Variants in PPP2R3A observed in about 807,000 individuals in gnomAD.
The protein encoded by PPP2R3A is serine/threonine-protein phosphatase 2A regulatory subunit B'' subunit alpha.
PPP2R3A carries 80 observed loss-of-function variants against 106.9 expected under a neutral mutation model. The observed-to-expected ratio is 0.75, with a 90% confidence interval of 0.62 to 0.90. The LOEUF is 0.90. Among genes scored for constraint, PPP2R3A ranks in the 40% least tolerant of loss-of-function variants. PPP2R3A has a pLI of 0.00. For synonymous variants in PPP2R3A, 483 were observed against 468.3 expected (o/e 1.03, Z -0.41); for missense variants, 1,386 against 1,350.4 (o/e 1.03, Z -0.41).
At chr3:136,119,992 G>A (rs1055533877) in intron 13 of PPP2R3A, among the ~76,000 whole-genome samples, 1 of 152,084 alleles carries the variant, frequency 6.6e-6, no homozygotes, top group Non-Finnish European at 1.5e-5. Context: ...AAGAAAATGT[G>A]GCACATATAT....
chr3:135,994,567 G>A lies in PPP2R3A; in HGVS notation c.-440-6492G>A, dbSNP rs543125259. On this transcript the variant is annotated intron_variant, in intron 1 of 13. Coordinates refer to ENST00000264977, the MANE Select transcript of PPP2R3A (RefSeq NM_002718.5). ...TTTGGGTTGTGCAGGGTATGAACTG[G>A]TTTGCTTGTCATCAGTAAGCTGTCA... 1.1e-3 allele frequency among the ~76,000 whole-genome samples: 165 copies of A among 152,244 alleles called. 2 individuals carry two copies. The highest frequency in any genetic ancestry group is 3.9e-3 in the African/African-American group (163 of 41,546).
intron 1 of PPP2R3A, among the ~76,000 whole-genome samples, chr3:135,981,162 A>G (rs1203802724): frequency 6.6e-6 from 1 of 151,876 alleles, no homozygotes; most frequent in Non-Finnish European, 1.5e-5. Context: ...ACGACTATTC[A>G]GTAATTAGAC....
intron 1 of PPP2R3A, among the ~76,000 whole-genome samples, chr3:135,987,023 G>A (rs1052165488): frequency 5.3e-5 from 8 of 151,924 alleles, no homozygotes; most frequent in Admixed American, 2.6e-4. Flanking sequence ...GCTCTTTTCG[G>A]TTATCAGTGA....
In PPP2R3A at chr3:136,111,865, C is replaced by G. The variant is rs550253002; in HGVS notation, c.3329+5543C>G. The stretch of plus-strand genomic sequence containing the variant: ...ATAAAAAAAACTTCAGGCCAATATC[C>G]TTGATGAACATACACACAAAAACCC... On this transcript the variant is annotated intron_variant, in intron 13 of 13. Transcript: ENST00000264977. Among the ~76,000 whole-genome samples, 6 of 152,238 alleles carry G rather than the reference C, an allele frequency of 3.9e-5. No homozygotes were observed. The South Asian group carries it at 1.2e-3, about 32-fold the overall frequency.
chr3:136,002,515 G>C lies in PPP2R3A; in HGVS notation c.1017G>C (p.Gln339His). The change falls in exon 2 of 14, where the codon CAG becomes CAC. Residue 339 changes from glutamine to histidine, a missense_variant. By Grantham distance (24) the Gln-to-His change is conservative. Transcript: ENST00000264977. ...EQPPKYEDVV[Q>H]LSASDSGRFQ... ...CCCCTAAATATGAAGATGTTGTCCAGCTCTCAGCTTCTGACTCTGGACGAT... is the reference window on the plus strand; with the variant it reads ...CCCCTAAATATGAAGATGTTGTCCACCTCTCAGCTTCTGACTCTGGACGAT... The C allele has an allele frequency of 6.2e-7, 1 of 1,614,068 alleles. No individual in the cohort carries two copies. The highest frequency in any genetic ancestry group is 8.5e-7 in the Non-Finnish European group (1 of 1,179,968).
intron 1 of PPP2R3A, among the ~76,000 whole-genome samples, chr3:135,987,931 C>A (rs1932992629): frequency 6.6e-6 from 1 of 152,184 alleles, no homozygotes; most frequent in East Asian, 1.9e-4. Flanking sequence ...CATGGCTCAG[C>A]CTTTGGATAT....
intron 10 of PPP2R3A, among the ~76,000 whole-genome samples, chr3:136,100,565 G>A (rs1937335211): frequency 6.6e-6 from 1 of 151,720 alleles, no homozygotes; most frequent in African/African-American, 2.4e-5. Flanking sequence ...TGTCATCCCA[G>A]CTACTTAGGA....
intron 13 of PPP2R3A, among the ~76,000 whole-genome samples, chr3:136,141,770 G>C (rs548376714): frequency 6.6e-6 from 1 of 152,314 alleles, no homozygotes; most frequent in South Asian, 2.1e-4. Context: ...AGTAGCAAAG[G>C]ATATGTGGCA....
intron 3 of PPP2R3A, among the ~76,000 whole-genome samples, chr3:136,037,851 T>C (rs1935139243): frequency 6.6e-6 from 1 of 152,172 alleles, no homozygotes. Flanking sequence ...GATTACCATA[T>C]ATTGACTCGC....
chr3:136,023,162 A>T (rs1360102034), intron 2 of PPP2R3A: 1 of 1,613,518 alleles, frequency 6.2e-7, no homozygotes, highest in Admixed American at 1.7e-5. Context: ...TTCTCCCTTC[A>T]CGGTTTAAGA....
At chr3:136,071,912 G>C (rs1411682881) in intron 6 of PPP2R3A, among the ~76,000 whole-genome samples, 1 of 151,934 alleles carries the variant, frequency 6.6e-6, no homozygotes, top group Non-Finnish European at 1.5e-5. Flanking sequence ...TTTCCACATT[G>C]TCACTCCCTC....
chr3:136,073,819 T>A (rs920762620), intron 6 of PPP2R3A, among the ~76,000 whole-genome samples: 1 of 152,252 alleles, frequency 6.6e-6, no homozygotes, highest in Non-Finnish European at 1.5e-5. Flanking sequence ...ATTGAAACTG[T>A]TGCATTATTT....
chr3:136,121,712 TGAATGGTTTTTTTAATGAAAAGTCAGG>T (rs1174629075), intron 13 of PPP2R3A, among the ~76,000 whole-genome samples: 1 of 152,174 alleles, frequency 6.6e-6, no homozygotes, highest in Non-Finnish European at 1.5e-5. Flanking sequence ...TAATAAATTT[TGAATGGTTTTTTTAATGAAAAGTCAGG>T]GAATGAGAGC....
At chr3:136,070,653 G>A in intron 6 of PPP2R3A, 101 bp downstream of exon 6, 8 of 834,890 alleles carry the variant, frequency 9.6e-6, no homozygotes, top group South Asian at 2.7e-5. Flanking sequence ...AGGTAACATG[G>A]GTTATAATGA....
At position 136,023,311 on chromosome 3, in the gene PPP2R3A, C is replaced by T. The variant is rs1006287045; in HGVS notation, c.1996-3521C>T. The T allele has an allele frequency of 9.0e-6, 8 of 886,842 alleles. No individual in the cohort carries two copies. The Admixed American group carries it at 1.9e-4, about 22-fold the overall frequency. 54.9% of individuals were successfully genotyped at this position (886,842 alleles called of 1,614,324 possible). On this transcript the variant is annotated intron_variant, in intron 2 of 13. Coordinates refer to ENST00000264977, the MANE Select transcript of PPP2R3A (RefSeq NM_002718.5). ...AACTCACAAGTAATTTTACAGCTCC[C>T]TTGTATCTTGATATTAGATCAAGGA...
intron 1 of PPP2R3A, among the ~76,000 whole-genome samples, chr3:135,967,732 CA>C (rs1375730247): frequency 1.3e-5 from 2 of 152,098 alleles, no homozygotes; most frequent in African/African-American, 4.8e-5. Context: ...CCCCATCCCC[CA>C]AAAAGAAAAC....
chr3:136,062,261 G>A (rs1936102957), intron 5 of PPP2R3A, among the ~76,000 whole-genome samples: 1 of 152,110 alleles, frequency 6.6e-6, no homozygotes, highest in Non-Finnish European at 1.5e-5. Context: ...GAATACATGA[G>A]ACCTAAGACA....
intron 3 of PPP2R3A, among the ~76,000 whole-genome samples, chr3:136,032,592 A>T (rs138421205): frequency 6.6e-5 from 10 of 151,456 alleles, no homozygotes; most frequent in Non-Finnish European, 1.2e-4. Context: ...CAGTGGCTCA[A>T]TCTCAGCTCA....
rs573754388 is a variant in PPP2R3A, at chr3:136,097,873, C to T, written c.2928-4134C>T. The stretch of plus-strand genomic sequence containing the variant: ...CAGATATTATTACATGTATTGCAGC[C>T]CTCTGCTTATGAGATGTAACTCTTC... On this transcript the variant is annotated intron_variant, in intron 10 of 13. Transcript: ENST00000264977. Among the ~76,000 whole-genome samples the T allele has an allele frequency of 2.2e-4, 34 of 152,236 alleles. No homozygotes were observed. In the South Asian group the frequency reaches 6.8e-3, roughly 31 times the overall value.
Sources: gnomAD v4.1 joint callset for allele counts (sites outside exome capture counted in the v4.1 genomes callset) on GRCh38, gnomAD v4.1.1 for gene constraint, MANE v1.5 for transcripts, NCBI Gene and HGNC (gene_info 2026-07-23, HGNC 2026-07-21) for gene names.